The following TOX variants were observed in gnomAD, a reference collection of about 807,000 sequenced individuals.
TOX encodes thymocyte selection associated high mobility group box.
TOX carries 11 observed loss-of-function variants against 53.7 expected under a neutral mutation model. The observed-to-expected ratio is 0.20, with a 90% CI of 0.13 to 0.34. The LOEUF is 0.34. TOX is among the 10% of genes least tolerant of loss of function. TOX has a pLI of 1.00. For synonymous variants in TOX, 225 were observed against 245.3 expected, an observed-to-expected ratio of 0.92 and a Z score of 0.77; for missense variants, 570 against 664.6, an observed-to-expected ratio of 0.86 and a Z score of 1.56.
At chr8:58,973,353 C>T (rs1190404945) in intron 1 of TOX, among the ~76,000 whole-genome samples, 2 of 152,096 alleles carry the variant, frequency 1.3e-5, no homozygotes, top group African/African-American at 4.8e-5. Context: ...AAAATAGGTA[C>T]TTTCCAACTT....
intron 3 of TOX, among the ~76,000 whole-genome samples, 199 bp downstream of exon 3, chr8:58,939,103 T>C (rs903593396): frequency 2.0e-5 from 3 of 152,262 alleles, no homozygotes; most frequent in Non-Finnish European, 2.9e-5. Flanking sequence ...ACTGCACAAG[T>C]AATTAATTGA....
chr8:58,890,388 G>T (rs191713060), intron 3 of TOX, among the ~76,000 whole-genome samples: 1 of 152,288 alleles, frequency 6.6e-6, no homozygotes, highest in Admixed American at 6.5e-5. Flanking sequence ...AGGGTCAGTA[G>T]AATGTTAGAA....
intron 6 of TOX, among the ~76,000 whole-genome samples, chr8:58,817,850 G>C (rs1376197843): frequency 1.3e-5 from 2 of 152,068 alleles, no homozygotes; most frequent in African/African-American, 2.4e-5. Flanking sequence ...GAAAATATGT[G>C]TAACTGTAAA....
chr8:58,872,287 G>A (rs772846604), intron 3 of TOX, among the ~76,000 whole-genome samples: 15 of 150,592 alleles, frequency 1.0e-4, no homozygotes, highest in Non-Finnish European at 1.8e-4. Context: ...TCTGATTAAA[G>A]TAAAGGGTTG....
chr8:59,003,336 T>C (rs1813728816), intron 1 of TOX, among the ~76,000 whole-genome samples: 4 of 152,198 alleles, frequency 2.6e-5, no homozygotes, highest in Admixed American at 2.0e-4. Context: ...TTCAAGAAAA[T>C]ATTGTGTTAC....
chr8:58,997,929 A>G (rs1813591226), intron 1 of TOX, among the ~76,000 whole-genome samples: 2 of 152,064 alleles, frequency 1.3e-5, no homozygotes, highest in Admixed American at 1.3e-4. Context: ...AGTAGCTGGC[A>G]CTACAGGTGC....
chr8:58,968,732 T>C (rs1414153892), intron 1 of TOX, among the ~76,000 whole-genome samples: 1 of 152,174 alleles, frequency 6.6e-6, no homozygotes, highest in Non-Finnish European at 1.5e-5. Context: ...AAAGTAAGAA[T>C]ATTTTTCTAC....
intron 1 of TOX, among the ~76,000 whole-genome samples, chr8:59,039,786 A>G (rs1477210633): frequency 6.6e-6 from 1 of 152,220 alleles, no homozygotes; most frequent in Non-Finnish European, 1.5e-5. Flanking sequence ...TCCAGCAAAA[A>G]TAGAAAAGCT....
chr8:59,025,894 T>G (rs1814227633), intron 1 of TOX, among the ~76,000 whole-genome samples: 1 of 152,142 alleles, frequency 6.6e-6, no homozygotes, highest in African/African-American at 2.4e-5. Context: ...TGATTCTACC[T>G]CCAGAACTAA....
chr8:58,877,038 G>A (rs914743825), intron 3 of TOX, among the ~76,000 whole-genome samples: 6 of 152,134 alleles, frequency 3.9e-5, no homozygotes, highest in African/African-American at 9.7e-5. Flanking sequence ...GCATCACAAA[G>A]GCTGCTAAAA....
intron 4 of TOX, among the ~76,000 whole-genome samples, chr8:58,846,681 G>C (rs1290659303): frequency 6.6e-6 from 1 of 152,218 alleles, no homozygotes; most frequent in East Asian, 1.9e-4. Flanking sequence ...AGGCAAAAAC[G>C]AAGTGAACTC....
At chr8:58,814,882 C>T (rs1585839473) in intron 7 of TOX, among the ~76,000 whole-genome samples, 2 of 152,156 alleles carry the variant, frequency 1.3e-5, no homozygotes, top group African/African-American at 4.8e-5. Context: ...GACCTGATTT[C>T]ATTTTTCAGC....
At chr8:59,002,548 G>T (rs1353686773) in intron 1 of TOX, among the ~76,000 whole-genome samples, 1 of 150,622 alleles carries the variant, frequency 6.6e-6, no homozygotes, top group Middle Eastern at 3.2e-3. Context: ...GCGAGATCGC[G>T]CCACTGCACT....
intron 3 of TOX, among the ~76,000 whole-genome samples, chr8:58,910,540 C>A (rs1238145679): frequency 6.6e-6 from 1 of 152,052 alleles, no homozygotes; most frequent in Non-Finnish European, 1.5e-5. Flanking sequence ...TAGCAGGTGG[C>A]TCATATTTTG....
chr8:59,094,329 A>G lies in TOX; in HGVS notation c.102+24557T>C, dbSNP rs141758405. The stretch of plus-strand genomic sequence containing the variant: ...TAAAAATTAGTATGAGTATTACATA[A>G]CTACAATATTAAATTAGCATATAGT... On this transcript the variant is annotated intron_variant, in intron 1 of 8. Transcript: ENST00000361421. 6.0e-4 allele frequency among the ~76,000 whole-genome samples: 91 copies of G among 152,180 alleles called. 4 individuals are homozygous for G. The East Asian group carries it at 0.016, about 27-fold the overall frequency.
chr8:58,900,316 A>G (rs1585889251), intron 3 of TOX, among the ~76,000 whole-genome samples: 1 of 152,216 alleles, frequency 6.6e-6, no homozygotes, highest in South Asian at 2.1e-4. Context: ...TGGCATTTAT[A>G]TAATACAACC....
intron 7 of TOX, among the ~76,000 whole-genome samples, chr8:58,813,880 T>A (rs940135347): frequency 1.3e-5 from 2 of 152,110 alleles, no homozygotes; most frequent in African/African-American, 2.4e-5. Flanking sequence ...TATGAAAGAG[T>A]TAAGAGTCTA....
chr8:58,810,549 C>T (rs1810060311), intron 7 of TOX, among the ~76,000 whole-genome samples: 1 of 151,454 alleles, frequency 6.6e-6, no homozygotes. Flanking sequence ...GACATAGTTT[C>T]GCCATATTTC....
chr8:59,056,488 A>ACTG (rs1803891510), intron 1 of TOX, among the ~76,000 whole-genome samples: 1 of 151,168 alleles, frequency 6.6e-6, no homozygotes, highest in Non-Finnish European at 1.5e-5. Flanking sequence ...AAAGAATTAT[A>ACTG]CTGATACCAC....
Sources: allele counts gnomAD v4.1 joint callset (sites outside exome capture counted in the v4.1 genomes callset), GRCh38; gene constraint gnomAD v4.1.1; transcripts MANE v1.5; gene names NCBI Gene and HGNC (gene_info 2026-07-23, HGNC 2026-07-21).